Variants in PPP4R3A observed in about 807,000 individuals in gnomAD.
The protein encoded by PPP4R3A is serine/threonine-protein phosphatase 4 regulatory subunit 3A.
In PPP4R3A, 15 loss-of-function variants were observed where a neutral mutation model predicts 91.7. That is an observed-to-expected ratio of 0.16 (90% CI 0.11 to 0.25). The LOEUF is 0.25. Among genes scored for constraint, PPP4R3A ranks in the 10% least tolerant of loss-of-function variants. PPP4R3A has a pLI of 1.00. For missense variants in PPP4R3A, 623 were observed against 998.4 expected (o/e 0.62, Z 5.07); for synonymous variants, 377 against 348.7 (o/e 1.08, Z -0.91).
intron 13 of PPP4R3A, 126 bp downstream of exon 13, chr14:91,461,923 A>C: frequency 1.5e-6 from 2 of 1,372,734 alleles, no homozygotes; most frequent in Non-Finnish European, 9.5e-7. Flanking sequence ...CATCCCATAA[A>C]GCAATAGAGT....
At chr14:91,472,526 C>A (rs567565926) in intron 9 of PPP4R3A, among the ~76,000 whole-genome samples, 1 of 142,740 alleles carries the variant, frequency 7.0e-6, no homozygotes, top group East Asian at 2.0e-4. Flanking sequence ...TGCAGTGGGG[C>A]GACCTCGGCT....
intron 1 of PPP4R3A, among the ~76,000 whole-genome samples, chr14:91,507,419 A>ATT (rs1566660351): frequency 1.3e-5 from 1 of 76,854 alleles, no homozygotes; most frequent in Non-Finnish European, 2.7e-5. Context: ...TATACTATAT[A>ATT]ATATATATAC....
At chr14:91,461,846 A>G (rs184228426) in intron 13 of PPP4R3A, among the ~76,000 whole-genome samples, 47 of 152,318 alleles carry the variant, frequency 3.1e-4, no homozygotes, top group African/African-American at 1.1e-3. Context: ...CTGAAATAGT[A>G]TATTCCTTAT....
At chr14:91,502,909 A>G (rs1595090814) in intron 1 of PPP4R3A, among the ~76,000 whole-genome samples, 1 of 152,340 alleles carries the variant, frequency 6.6e-6, no homozygotes, top group African/African-American at 2.4e-5. Context: ...CTTCGTAATA[A>G]GGAGCACAAA....
intron 5 of PPP4R3A, among the ~76,000 whole-genome samples, 161 bp from the exon 6 acceptor site, chr14:91,476,685 C>A (rs906638799): frequency 1.3e-5 from 2 of 152,236 alleles, no homozygotes; most frequent in African/African-American, 4.8e-5. Context: ...CCTGCCTCAG[C>A]CTTCTGAGTA....
intron 1 of PPP4R3A, among the ~76,000 whole-genome samples, chr14:91,506,275 T>A (rs1891289019): frequency 6.6e-6 from 1 of 152,200 alleles, no homozygotes. Flanking sequence ...AAAGTAATTT[T>A]CATTTTCTTT....
chr14:91,484,967 G>C (rs184386514), intron 3 of PPP4R3A, among the ~76,000 whole-genome samples: 1 of 152,056 alleles, frequency 6.6e-6, no homozygotes, highest in South Asian at 2.1e-4. Flanking sequence ...CGAGCCTAGA[G>C]GCACGGTAAG....
At chr14:91,480,160 A>G (rs1393531296) in intron 4 of PPP4R3A, among the ~76,000 whole-genome samples, 1 of 152,230 alleles carries the variant, frequency 6.6e-6, no homozygotes, top group African/African-American at 2.4e-5. Context: ...AAGAAAAAAA[A>G]ATCTACATTT....
chr14:91,490,322 C>G (rs1890163981), intron 2 of PPP4R3A, among the ~76,000 whole-genome samples: 1 of 152,168 alleles, frequency 6.6e-6, no homozygotes, highest in African/African-American at 2.4e-5. Context: ...AGACCCTATT[C>G]AGGAATCTGT....
chr14:91,470,709 A>C, intron 10 of PPP4R3A, 128 bp downstream of exon 10: 1 of 1,012,144 alleles, frequency 9.9e-7, no homozygotes, highest in Admixed American at 2.7e-5. Flanking sequence ...CTGCATAATC[A>C]GTGGCAGAGC....
In PPP4R3A at chr14:91,479,953, A is replaced by C. The variant is rs556775211; in HGVS notation, c.915+1623T>G. Among the ~76,000 whole-genome samples the C allele has an allele frequency of 3.9e-5, 6 of 152,346 alleles. No individual in the cohort carries two copies. In the South Asian group the frequency reaches 1.2e-3, roughly 32 times the overall value. On this transcript the variant is annotated intron_variant, in intron 4 of 14. Coordinates refer to ENST00000554943, the MANE Select transcript of PPP4R3A (RefSeq NM_001366432.2). ...CCCAGCCTATGTAAACTTCTATTTC[A>C]GTTAGAATAGACCAATTCACACACT...
intron 1 of PPP4R3A, among the ~76,000 whole-genome samples, chr14:91,497,465 ATAT>A (rs1056194650): frequency 1.3e-5 from 2 of 152,176 alleles, no homozygotes; most frequent in African/African-American, 2.4e-5. Flanking sequence ...GAAAACTCCA[ATAT>A]TGAGACTTGA....
chr14:91,461,717 C>T (rs1888173538), intron 13 of PPP4R3A, 110 bp from the exon 14 acceptor site: 1 of 1,083,420 alleles, frequency 9.2e-7, no homozygotes, highest in Non-Finnish European at 1.3e-6. Flanking sequence ...TGGGTAGAAA[C>T]ATTGAAGTTC....
At chr14:91,501,667 A>G (rs1158776835) in intron 1 of PPP4R3A, among the ~76,000 whole-genome samples, 1 of 150,588 alleles carries the variant, frequency 6.6e-6, no homozygotes, top group Non-Finnish European at 1.5e-5. Flanking sequence ...AGAAAAGTCA[A>G]TGGGGCCCAA....
intron 1 of PPP4R3A, among the ~76,000 whole-genome samples, chr14:91,493,347 T>A (rs1231857086): frequency 6.7e-6 from 1 of 150,178 alleles, no homozygotes; most frequent in Admixed American, 6.6e-5. Flanking sequence ...AAAAATAAAT[T>A]AGCTGGATGA....
chr14:91,469,298 G>A (rs1325504431), intron 10 of PPP4R3A, among the ~76,000 whole-genome samples: 1 of 152,084 alleles, frequency 6.6e-6, no homozygotes, highest in African/African-American at 2.4e-5. Context: ...AAATATAGTT[G>A]TGTTTAATAT....
intron 9 of PPP4R3A, among the ~76,000 whole-genome samples, chr14:91,471,781 AGGCTGGGCGTGGT>A (rs1888849603): frequency 6.6e-6 from 1 of 152,168 alleles, no homozygotes; most frequent in African/African-American, 2.4e-5. Flanking sequence ...TAAGAATTCA[AGGCTGGGCGTGGT>A]GGCTCACACC....
rs375921327 is a variant in PPP4R3A, at chr14:91,462,032, A to AT, written c.2164+16dup. On this transcript the variant is annotated intron_variant, in intron 13 of 14. Coordinates refer to ENST00000554943, the MANE Select transcript of PPP4R3A (RefSeq NM_001366432.2). Reference sequence around the variant, plus strand: ...AGAAAGCCTTAATTTTCTCTTGCCCATTTTTTTCCAACATACATTTCTTCC... The same window carrying AT: ...AGAAAGCCTTAATTTTCTCTTGCCCATTTTTTTTCCAACATACATTTCTTCC... 3.4e-6 allele frequency: 5 copies of AT among 1,486,576 alleles called. No homozygotes were observed. The highest frequency in any genetic ancestry group is 1.4e-5 in the South Asian group (1 of 71,072). The allele number at this position is 1,486,576 out of a possible 1,614,324, so 92.1% of individuals were successfully genotyped here. A position where few individuals can be genotyped will look rare whatever the true frequency, so the allele number is the denominator to read the frequency against.
chr14:91,464,200 A>T (rs1354371291), intron 11 of PPP4R3A, among the ~76,000 whole-genome samples: 1 of 152,024 alleles, frequency 6.6e-6, no homozygotes, highest in Non-Finnish European at 1.5e-5. Context: ...GCATGTCTGT[A>T]ATCCCAGCTA....
Sources: allele counts gnomAD v4.1 joint callset (sites outside exome capture counted in the v4.1 genomes callset), GRCh38; gene constraint gnomAD v4.1.1; transcripts MANE v1.5; gene names NCBI Gene and HGNC (gene_info 2026-07-23, HGNC 2026-07-21).